The following KCTD19 variants were observed in gnomAD, a reference collection of about 807,000 sequenced individuals.
KCTD19 encodes potassium channel tetramerization domain containing 19.
Under a neutral mutation model 103.5 loss-of-function variants are expected in KCTD19, and 67 were observed. The observed-to-expected ratio is 0.65, with a 90% CI of 0.53 to 0.79. The LOEUF is 0.79. Ranked by LOEUF, KCTD19 falls within the 30% of genes least tolerant of loss-of-function variation. The pLI is 0.00. For synonymous variants in KCTD19, 439 were observed against 452.2 expected (o/e 0.97, Z 0.37); for missense variants, 980 against 1,136.1 (o/e 0.86, Z 1.98).
intron 15 of KCTD19, among the ~76,000 whole-genome samples, chr16:67,290,328 C>T (rs2036669023): frequency 1.3e-5 from 2 of 151,972 alleles, no homozygotes; most frequent in Admixed American, 1.3e-4. Flanking sequence ...CAGGCGCCCA[C>T]CACCACGCCT....
rs2036640050 is a variant in KCTD19 at position 67,289,452 on chromosome 16, G to A, written c.*117C>T. 1.7e-6 allele frequency: 1 copy of A among 572,622 alleles called. No individual in the cohort carries two copies. Among genetic ancestry groups the A allele is most frequent in the Non-Finnish European group, 3.1e-6 (1 of 319,188 alleles). 35.5% of individuals were successfully genotyped at this position (572,622 alleles called of 1,614,324 possible). On this transcript the variant is annotated 3_prime_UTR_variant, in exon 16 of 16. Transcript: ENST00000304372. ...TGATGTGTGATTTAATCTTTTATTT[G>A]TTTATAATAAAAAATAGACTGATAT...
rs1225816792 is a variant in KCTD19, at chr16:67,301,939, G to C, written c.644-17C>G. On this transcript the variant is annotated splice_polypyrimidine_tract_variant and intron_variant, in intron 4 of 15. Coordinates refer to ENST00000304372, the MANE Select transcript of KCTD19 (RefSeq NM_001100915.3). ...GAAAATTCACTTGAAAAACAAAGGGGAACACAGTGAGTTAATGAGGCTATT... is the reference window on the plus strand; with the variant it reads ...GAAAATTCACTTGAAAAACAAAGGGCAACACAGTGAGTTAATGAGGCTATT... The C allele has an allele frequency of 1.9e-6, 3 of 1,613,270 alleles. No homozygotes were observed. Among genetic ancestry groups the C allele is most frequent in the Non-Finnish European group, 2.5e-6 (3 of 1,179,568 alleles).
intron 1 of KCTD19, chr16:67,326,184 C>T (rs1357903278): frequency 6.5e-6 from 1 of 153,080 alleles, no homozygotes; most frequent in African/African-American, 2.4e-5. Flanking sequence ...CCTCGGGCTC[C>T]CAAAGTGCTG....
In KCTD19 at chr16:67,326,621, C is replaced by G. The variant is rs2037179000; in HGVS notation, c.3+84G>C. ...CCATGCCCCAGAGCCAGGTCTCGAA[C>G]CACTTAGCCCCAATCCTTGGCCACA... On this transcript the variant is annotated intron_variant, in intron 1 of 15. Transcript: ENST00000304372. 4 of 1,528,524 alleles carry G rather than the reference C, an allele frequency of 2.6e-6. No individual in the cohort carries two copies. The African/African-American group carries it at 5.6e-5, about 22-fold the overall frequency. The allele number at this position is 1,528,524 out of a possible 1,614,324, so 94.7% of individuals were successfully genotyped here. A position where few individuals can be genotyped will look rare whatever the true frequency, so the allele number is the denominator to read the frequency against.
At chr16:67,316,578 A>G (rs548203966) in intron 2 of KCTD19, among the ~76,000 whole-genome samples, 2 of 152,366 alleles carry the variant, frequency 1.3e-5, no homozygotes, top group East Asian at 3.9e-4. Context: ...TACAAAAAAA[A>G]AGAAAATAAT....
rs373185706 is a variant in KCTD19 at position 67,291,809 on chromosome 16, G to A, written c.2247C>T (p.Pro749=). The A allele has an allele frequency of 8.7e-5, 140 of 1,610,970 alleles. No homozygotes were observed. Among genetic ancestry groups the A allele is most frequent in the Non-Finnish European group, 1.1e-4 (131 of 1,177,950 alleles). Residue 749 remains proline, a synonymous_variant, in exon 13 of 16, where the codon CCC becomes CCT. Coordinates refer to ENST00000304372, the MANE Select transcript of KCTD19 (RefSeq NM_001100915.3). The part of the protein sequence containing the change: ...RESPAPEQPL[P]EASEVDSLGV... ...CTAGGCTGTCCACCTCACTGGCCTCGGGCAGAGGCTGCTCAGGGGCAGGGC... is the reference window on the plus strand; with the variant it reads ...CTAGGCTGTCCACCTCACTGGCCTCAGGCAGAGGCTGCTCAGGGGCAGGGC...
In KCTD19 at chr16:67,293,596, T is replaced by C; in HGVS notation, c.2166A>G (p.Pro722=). ...PEPTFKPYLP[P]KRAGTLKDWS... ...AGTCCTTCAGGGTGCCAGCTCTTTT[T>C]GGGGGTAAGTATGGCTTGAAGGTTG... is the stretch of plus-strand genomic sequence containing the variant. The change falls in exon 12 of 16, where the codon CCA becomes CCG. Residue 722 remains proline, a synonymous_variant. Transcript: ENST00000304372. The surrounding 1 kb of genome is among the most constrained non-coding windows in gnomAD (Gnocchi z 4.0). 1 of 1,613,648 alleles carries C rather than the reference T, an allele frequency of 6.2e-7. No individual in the cohort carries two copies. Among genetic ancestry groups the C allele is most frequent in the East Asian group, 2.2e-5 (1 of 44,852 alleles).
intron 1 of KCTD19, among the ~76,000 whole-genome samples, chr16:67,326,346 G>A (rs2037168797): frequency 6.6e-6 from 1 of 151,476 alleles, no homozygotes; most frequent in Admixed American, 6.6e-5. Flanking sequence ...TTAGAGTTCT[G>A]TCCCCACGCT....
Position 67,303,295 on chromosome 16 carries a change from AG to A in KCTD19, c.493del (p.Leu165CysfsTer2). ...GTGCACCTCCTCTTCTGTGTCTAAC[AG>A]GGGTGTGTCCATGAGCCCCAGAGGT... ...KAPLGLMDTP[L>X]LDTEEEVHYC... On this transcript the variant is annotated frameshift_variant, in exon 4 of 16. Coordinates refer to ENST00000304372, the MANE Select transcript of KCTD19 (RefSeq NM_001100915.3). LOFTEE classifies it high-confidence loss of function. The surrounding 1 kb of genome is among the most constrained non-coding windows in gnomAD (Gnocchi z 4.3). 6.2e-7 allele frequency: 1 copy of A among 1,614,000 alleles called. No individual in the cohort carries two copies. The highest frequency in any genetic ancestry group is 8.5e-7 in the Non-Finnish European group (1 of 1,179,938).
Position 67,295,386 on chromosome 16 carries a change from T to C in KCTD19, c.1268A>G (p.Asn423Ser). 1 of 1,613,082 alleles carries C rather than the reference T, an allele frequency of 6.2e-7. No homozygotes were observed. Among genetic ancestry groups the C allele is most frequent in the Non-Finnish European group, 8.5e-7 (1 of 1,179,248 alleles). Residue 423 changes from asparagine (N) to serine (S), a missense_variant, in exon 9 of 16, where the codon AAC becomes AGC. Physicochemically the swap from Asn to Ser is conservative, Grantham distance 46 (BLOSUM62 1). Coordinates refer to ENST00000304372, the MANE Select transcript of KCTD19 (RefSeq NM_001100915.3). ...TGTGATCCAGTACACTCTCTGAGGG[T>C]TGGACAGCAGTTCTGGATACTGGAG... is the stretch of plus-strand genomic sequence containing the variant. ...TLLKYPELLS[N>S]PQRVYWITYG... is the part of the protein sequence containing the mutation.
At chr16:67,294,555 C>T in intron 11 of KCTD19, 25 bp downstream of exon 11, 1 of 1,528,142 alleles carries the variant, frequency 6.5e-7, no homozygotes, top group Non-Finnish European at 9.1e-7. Context: ...GAGGATAACA[C>T]CAACCAGAGG....
chr16:67,306,057 G>T (rs920589854), intron 2 of KCTD19, among the ~76,000 whole-genome samples: 2 of 152,232 alleles, frequency 1.3e-5, no homozygotes, highest in Non-Finnish European at 2.9e-5. Context: ...GACAGTGTGT[G>T]CGTGGAACGC....
rs1260362852 is a variant in KCTD19, at chr16:67,323,581, A to G, written c.4-2696T>C. The stretch of plus-strand genomic sequence containing the variant: ...GATACATGATAACAACATGGATGAA[A>G]TTCGAAACATTATGCCAAGGGAAAG... On this transcript the variant is annotated intron_variant, in intron 1 of 15. Coordinates refer to ENST00000304372, the MANE Select transcript of KCTD19 (RefSeq NM_001100915.3). The surrounding 1 kb of genome is among the most constrained non-coding windows in gnomAD (Gnocchi z 4.1). Among the ~76,000 whole-genome samples the G allele has an allele frequency of 1.3e-5, 2 of 152,186 alleles. No homozygotes were observed. The highest frequency in any genetic ancestry group is 3.8e-4 in the East Asian group (2 of 5,200).
At chr16:67,321,233 T>C (rs756307460) in intron 1 of KCTD19, among the ~76,000 whole-genome samples, 76 of 152,248 alleles carry the variant, frequency 5.0e-4, no homozygotes, top group Admixed American at 3.4e-3. Flanking sequence ...GGTTGAAAGA[T>C]GCAGAGCAAT....
In KCTD19 at chr16:67,293,943, T is replaced by C; in HGVS notation, c.1819A>G (p.Ser607Gly). The C allele has an allele frequency of 3.1e-6, 5 of 1,614,072 alleles. No individual in the cohort carries two copies. Among genetic ancestry groups the C allele is most frequent in the Non-Finnish European group, 4.2e-6 (5 of 1,180,004 alleles). ...NPGHWGSHPESPPKKKCTTIN... is the reference protein window; with the variant it reads ...NPGHWGSHPEGPPKKKCTTIN... The stretch of plus-strand genomic sequence containing the variant: ...GTGGTGCATTTCTTCTTTGGGGGGC[T>C]CTCAGGGTGGCTCCCCCAGTGTCCA... The change falls in exon 12 of 16, where the codon AGC becomes GGC. Residue 607 changes from serine to glycine, a missense_variant. Ser to Gly is a moderately conservative substitution (Grantham distance 56). Coordinates refer to ENST00000304372, the MANE Select transcript of KCTD19 (RefSeq NM_001100915.3). This position sits in a 1 kb window ranked among gnomAD's most constrained non-coding sequence, Gnocchi z 4.0.
At chr16:67,290,735 A>G (rs900127957) in intron 15 of KCTD19, 150 bp downstream of exon 15, 1 of 654,190 alleles carries the variant, frequency 1.5e-6, no homozygotes, top group African/African-American at 1.8e-5. Context: ...GGTTAATTTC[A>G]TGCAGTTTCT....
At chr16:67,296,621 G>T (rs1266649937) in intron 7 of KCTD19, among the ~76,000 whole-genome samples, 2 of 152,130 alleles carry the variant, frequency 1.3e-5, no homozygotes, top group African/African-American at 4.8e-5. Context: ...CTCTCTCTGT[G>T]TGTTTATGTT....
chr16:67,291,227 G>T, intron 14 of KCTD19, 82 bp downstream of exon 14: 1 of 1,511,412 alleles, frequency 6.6e-7, no homozygotes, highest in Non-Finnish European at 9.0e-7. Flanking sequence ...ACTTCCTCTT[G>T]CCTTGCACCA....
intron 2 of KCTD19, among the ~76,000 whole-genome samples, chr16:67,314,826 TATATAGAGAG>T (rs1173437743): frequency 5.4e-5 from 3 of 55,298 alleles, no homozygotes; most frequent in African/African-American, 1.6e-4. Context: ...TATATATATA[TATATAGAGAG>T]AGAGAGAGAG....
Sources: allele counts gnomAD v4.1 joint callset (sites outside exome capture counted in the v4.1 genomes callset), GRCh38; gene constraint gnomAD v4.1.1; non-coding constraint Gnocchi (gnomAD v3.1); transcripts MANE v1.5; gene names NCBI Gene and HGNC (gene_info 2026-07-23, HGNC 2026-07-21).